GRID2: variants seen among roughly 807,000 people sequenced by gnomAD.
GRID2 encodes glutamate ionotropic receptor delta type subunit 2.
GRID2 carries 33 observed loss-of-function variants against 114.8 expected under a neutral mutation model. That is an observed-to-expected ratio of 0.29 (90% CI 0.22 to 0.38). The LOEUF (loss-of-function observed/expected upper bound fraction) is 0.38, where lower values mean the gene tolerates loss of function less well. Among genes scored for constraint, GRID2 ranks in the 10% least tolerant of loss-of-function variants. The pLI is 1.00. For synonymous variants in GRID2, 505 were observed against 449.9 expected (o/e 1.12, Z -1.55); for missense variants, 1,184 against 1,257.7 (o/e 0.94, Z 0.89).
chr4:92,402,370 G>A (rs1730826761), intron 1 of GRID2, among the ~76,000 whole-genome samples: 1 of 152,074 alleles, frequency 6.6e-6, no homozygotes, highest in Admixed American at 6.6e-5. Context: ...CAACATATCT[G>A]CCCAAATCCA....
intron 13 of GRID2, among the ~76,000 whole-genome samples, chr4:93,532,170 T>A (rs1407462027): frequency 6.6e-6 from 1 of 152,116 alleles, no homozygotes; most frequent in East Asian, 1.9e-4. Context: ...ATATGGAAAA[T>A]GTAAAAGAAT....
At chr4:93,478,481 G>T (rs1580196846) in intron 11 of GRID2, among the ~76,000 whole-genome samples, 1 of 151,664 alleles carries the variant, frequency 6.6e-6, no homozygotes, top group East Asian at 1.9e-4. Context: ...ATTTTTATTT[G>T]CTCAGAACAT....
rs117793048 is a variant in GRID2 at position 93,748,208 on chromosome 4, A to T, written c.2361-21002A>T. Among the ~76,000 whole-genome samples the T allele has an allele frequency of 5.2e-4, 79 of 152,234 alleles. 3 individuals are homozygous for T. The East Asian group carries it at 0.015, about 29-fold the overall frequency. ...AAGTTGAGACATTATACAGAGAGAC[A>T]CTGTATGGGTCGATATCTCAAGTAA... On this transcript the variant is annotated intron_variant, in intron 14 of 15. Transcript: ENST00000282020.
At chr4:93,606,862 T>A (rs1279888002) in intron 13 of GRID2, among the ~76,000 whole-genome samples, 1 of 152,160 alleles carries the variant, frequency 6.6e-6, no homozygotes, top group African/African-American at 2.4e-5. Flanking sequence ...ACTGTATATG[T>A]TAATGATGGT....
At chr4:93,065,300 G>A (rs1728202960) in intron 2 of GRID2, among the ~76,000 whole-genome samples, 1 of 151,844 alleles carries the variant, frequency 6.6e-6, no homozygotes. Flanking sequence ...GTCATTGTGT[G>A]TCATTGACAT....
chr4:93,092,566 C>T (rs145500434), intron 3 of GRID2, among the ~76,000 whole-genome samples: 20 of 152,100 alleles, frequency 1.3e-4, no homozygotes, highest in African/African-American at 3.4e-4. Flanking sequence ...ATGGTAGACA[C>T]GGTAAATGGT....
At chr4:93,517,023 A>AT (rs1251062415) in intron 13 of GRID2, among the ~76,000 whole-genome samples, 1 of 151,988 alleles carries the variant, frequency 6.6e-6, no homozygotes. Context: ...AATCCAGCTC[A>AT]TTTTTTTAAA....
chr4:93,292,111 G>A (rs1046578209), intron 8 of GRID2, among the ~76,000 whole-genome samples: 2 of 152,260 alleles, frequency 1.3e-5, no homozygotes, highest in African/African-American at 4.8e-5. Flanking sequence ...TGGTGATTAA[G>A]GACTTGTGAT....
intron 14 of GRID2, among the ~76,000 whole-genome samples, chr4:93,671,538 AC>A (rs1724412638): frequency 6.6e-6 from 1 of 152,164 alleles, no homozygotes; most frequent in South Asian, 2.1e-4. Context: ...TAGCCCCTCT[AC>A]AACTCAGTTT....
At chr4:93,149,056 A>G (rs747944132) in intron 4 of GRID2, among the ~76,000 whole-genome samples, 5 of 152,118 alleles carry the variant, frequency 3.3e-5, no homozygotes, top group African/African-American at 4.8e-5. Flanking sequence ...CTGTTGACTA[A>G]CAATTCTACA....
intron 2 of GRID2, among the ~76,000 whole-genome samples, chr4:92,688,085 C>A (rs1278509338): frequency 2.0e-5 from 2 of 98,194 alleles, no homozygotes; most frequent in African/African-American, 7.9e-5. Flanking sequence ...GTTTCGCTCT[C>A]GTTGCCCAGG....
chr4:92,402,144 A>G (rs1730817891), intron 1 of GRID2, among the ~76,000 whole-genome samples: 1 of 152,124 alleles, frequency 6.6e-6, no homozygotes, highest in South Asian at 2.1e-4. Context: ...AACTCCAGGC[A>G]TATCTTAAGT....
intron 1 of GRID2, among the ~76,000 whole-genome samples, chr4:92,460,787 T>C (rs1030528960): frequency 1.3e-5 from 2 of 152,108 alleles, no homozygotes; most frequent in African/African-American, 4.8e-5. Context: ...TTTAGTAAAA[T>C]TGAGCATTTA....
intron 14 of GRID2, among the ~76,000 whole-genome samples, chr4:93,720,155 G>A (rs2110191737): frequency 6.6e-6 from 1 of 152,220 alleles, no homozygotes; most frequent in Admixed American, 6.5e-5. Context: ...CAAAAAAAAT[G>A]ACTACAAGAA....
At chr4:92,669,015 T>C (rs1053316179) in intron 2 of GRID2, among the ~76,000 whole-genome samples, 5 of 151,906 alleles carry the variant, frequency 3.3e-5, no homozygotes, top group Admixed American at 2.0e-4. Context: ...TTCATGACTT[T>C]GTTTCTTCAC....
chr4:93,433,743 T>C (rs1720804583), intron 10 of GRID2, among the ~76,000 whole-genome samples: 1 of 152,226 alleles, frequency 6.6e-6, no homozygotes, highest in Non-Finnish European at 1.5e-5. Context: ...AGAACTTTCA[T>C]TGATTTTCCA....
intron 8 of GRID2, among the ~76,000 whole-genome samples, chr4:93,381,008 C>A (rs934383197): frequency 1.3e-5 from 2 of 151,886 alleles, no homozygotes; most frequent in South Asian, 4.1e-4. Context: ...CCTTTTCTCT[C>A]CACATAGCCT....
At chr4:93,137,585 A>T (rs1489647859) in intron 4 of GRID2, among the ~76,000 whole-genome samples, 5 of 152,198 alleles carry the variant, frequency 3.3e-5, no homozygotes, top group African/African-American at 1.2e-4. Flanking sequence ...AGGTACAAGG[A>T]TGCACAAATG....
At chr4:92,763,342 G>A (rs1270019631) in intron 2 of GRID2, among the ~76,000 whole-genome samples, 3 of 152,026 alleles carry the variant, frequency 2.0e-5, no homozygotes, top group Non-Finnish European at 4.4e-5. Flanking sequence ...GCACATATAT[G>A]TATTTTCCCA....
Sources: gnomAD v4.1 joint callset for allele counts (sites outside exome capture counted in the v4.1 genomes callset) on GRCh38, gnomAD v4.1.1 for gene constraint, MANE v1.5 for transcripts, NCBI Gene and HGNC (gene_info 2026-07-23, HGNC 2026-07-21) for gene names.